The following TENM2 variants were observed in gnomAD, a reference collection of about 807,000 sequenced individuals.
TENM2 encodes the protein teneurin-2.
TENM2 carries 52 observed loss-of-function variants against 245.2 expected under a neutral mutation model. The observed-to-expected ratio is 0.21, with a 90% confidence interval of 0.17 to 0.27. The LOEUF (loss-of-function observed/expected upper bound fraction) is 0.27. Among genes scored for constraint, TENM2 ranks in the 10% least tolerant of loss-of-function variants. The pLI is 1.00. For missense variants in TENM2, 3,046 were observed against 3,666.8 expected (o/e 0.83, Z 4.37); for synonymous variants, 1,363 against 1,438.9 (o/e 0.95, Z 1.19).
At chr5:167,899,874 T>A (rs1415532396) in intron 3 of TENM2, among the ~76,000 whole-genome samples, 2 of 152,068 alleles carry the variant, frequency 1.3e-5, no homozygotes, top group African/African-American at 4.8e-5. Flanking sequence ...AAAGTTGACA[T>A]CTGAACAAAG....
At chr5:167,082,324 G>A in the TENM2 span, among the ~76,000 whole-genome samples, 3 of 151,740 alleles carry the variant, frequency 2.0e-5, no homozygotes, top group Non-Finnish European at 2.9e-5. Context: ...TCACTCTGTC[G>A]CTCAGGTTGG....
intron 2 of TENM2, among the ~76,000 whole-genome samples, chr5:167,541,047 T>A (rs547388548): frequency 6.6e-6 from 1 of 152,310 alleles, no homozygotes; most frequent in East Asian, 1.9e-4. Flanking sequence ...ACCTGTTTCA[T>A]GAATAAGATG....
At chr5:167,563,449 C>T (rs1397053822) in intron 2 of TENM2, among the ~76,000 whole-genome samples, 1 of 152,166 alleles carries the variant, frequency 6.6e-6, no homozygotes, top group Non-Finnish European at 1.5e-5. Context: ...GACCACAAGG[C>T]TACTTCTGTT....
chr5:167,557,110 C>T (rs570774021), intron 2 of TENM2, among the ~76,000 whole-genome samples: 3 of 152,170 alleles, frequency 2.0e-5, no homozygotes, highest in Non-Finnish European at 2.9e-5. Flanking sequence ...AGCGTGTGTG[C>T]GTGTACACAG....
intron 2 of TENM2, among the ~76,000 whole-genome samples, chr5:167,858,758 A>T (rs1771331918): frequency 6.6e-6 from 1 of 150,452 alleles, no homozygotes; most frequent in African/African-American, 2.4e-5. Flanking sequence ...CGCCGGGAGG[A>T]TGGAGTTCAG....
At chr5:168,008,620 G>A (rs954825358) in intron 5 of TENM2, among the ~76,000 whole-genome samples, 2 of 152,122 alleles carry the variant, frequency 1.3e-5, no homozygotes, top group African/African-American at 2.4e-5. Context: ...TGGAAATAGA[G>A]CTTCAGAGTT....
chr5:168,197,323 C>T (rs192544709), intron 15 of TENM2, among the ~76,000 whole-genome samples: 35 of 152,138 alleles, frequency 2.3e-4, no homozygotes, highest in African/African-American at 8.0e-4. Context: ...ATATTTTTAC[C>T]GAGTTTTTAC....
At chr5:167,569,632 T>C (rs1160448005) in intron 2 of TENM2, among the ~76,000 whole-genome samples, 1 of 152,186 alleles carries the variant, frequency 6.6e-6, no homozygotes, top group African/African-American at 2.4e-5. Flanking sequence ...CAACAGCCAT[T>C]TGGTGAGTTG....
At chr5:168,134,813 G>T (rs1452480822) in intron 12 of TENM2, among the ~76,000 whole-genome samples, 1 of 152,202 alleles carries the variant, frequency 6.6e-6, no homozygotes, top group South Asian at 2.1e-4. Context: ...TCCAAACAAA[G>T]GTTGTTCAGC....
chr5:167,279,516 T>TC, the TENM2 span, among the ~76,000 whole-genome samples: 2 of 71,996 alleles, frequency 2.8e-5, no homozygotes, highest in Non-Finnish European at 5.6e-5. Context: ...TTCCTTCCTT[T>TC]CCTTCCTTCC....
At chr5:168,253,585 C>T (rs1399857749) in intron 27 of TENM2, among the ~76,000 whole-genome samples, 1 of 151,992 alleles carries the variant, frequency 6.6e-6, no homozygotes, top group Non-Finnish European at 1.5e-5. Flanking sequence ...GCCACCACGC[C>T]CGGCTAATTG....
chr5:168,206,189 C>A (rs892921193), intron 19 of TENM2, among the ~76,000 whole-genome samples: 2 of 152,208 alleles, frequency 1.3e-5, no homozygotes, highest in African/African-American at 2.4e-5. Context: ...ATTTGAGAGT[C>A]TCTGAGGCCC....
At chr5:167,586,205 C>T (rs1355254384) in intron 2 of TENM2, among the ~76,000 whole-genome samples, 3 of 152,104 alleles carry the variant, frequency 2.0e-5, no homozygotes, top group African/African-American at 7.2e-5. Flanking sequence ...ATTTACATAG[C>T]ATTTACATTA....
chr5:168,219,823 G>GAAAAA (rs1763503447), intron 23 of TENM2, among the ~76,000 whole-genome samples: 14 of 15,256 alleles, frequency 9.2e-4, no homozygotes, highest in African/African-American at 6.2e-3. Flanking sequence ...AGTTGGCACA[G>GAAAAA]CAAAAAAAAA....
At chr5:167,691,189 A>G (rs1231421912) in intron 2 of TENM2, among the ~76,000 whole-genome samples, 1 of 152,084 alleles carries the variant, frequency 6.6e-6, no homozygotes, top group Non-Finnish European at 1.5e-5. Context: ...TGACTTATAT[A>G]TTCTGTCTCA....
intron 2 of TENM2, among the ~76,000 whole-genome samples, chr5:167,508,347 G>A (rs1201333355): frequency 1.3e-5 from 2 of 152,168 alleles, no homozygotes; most frequent in Non-Finnish European, 2.9e-5. Flanking sequence ...GACAGTAGGG[G>A]TGGTGATTTT....
At chr5:167,844,453 C>T (rs976540975) in intron 2 of TENM2, among the ~76,000 whole-genome samples, 3 of 152,170 alleles carry the variant, frequency 2.0e-5, no homozygotes, top group Non-Finnish European at 4.4e-5. Context: ...GCTGCAGGAA[C>T]CTTGTCATTT....
chr5:167,186,130 A>G, the TENM2 span, among the ~76,000 whole-genome samples: 1 of 152,168 alleles, frequency 6.6e-6, no homozygotes, highest in South Asian at 2.1e-4. Flanking sequence ...TACAAGTTCA[A>G]TCAACCCTTT....
At chr5:167,407,789 C>T (rs939708995) in intron 2 of TENM2, among the ~76,000 whole-genome samples, 2 of 152,128 alleles carry the variant, frequency 1.3e-5, no homozygotes, top group African/African-American at 4.8e-5. Flanking sequence ...TGTACTCCAG[C>T]CTGGGCAGCA....
Sources: gnomAD v4.1 joint callset for allele counts (sites outside exome capture counted in the v4.1 genomes callset) on GRCh38, gnomAD v4.1.1 for gene constraint, MANE v1.5 for transcripts, NCBI Gene and HGNC (gene_info 2026-07-23, HGNC 2026-07-21) for gene names.